FAF1: variants seen among roughly 807,000 people sequenced by gnomAD.
FAF1 encodes Fas associated factor 1, also known as FAS-associated factor 1.
Under a neutral mutation model 92.5 loss-of-function variants are expected in FAF1, and 25 were observed. The ratio of observed to expected loss-of-function variants is 0.27; its 90% CI spans 0.20 to 0.38. The LOEUF is 0.38. Among genes scored for constraint, FAF1 ranks in the 10% least tolerant of loss-of-function variants. The pLI is 1.00. For synonymous variants in FAF1, 234 were observed against 273.2 expected (o/e 0.86, Z 1.42); for missense variants, 636 against 793.3 (o/e 0.80, Z 2.38).
At chr1:50,714,158 T>G (rs1658073525) in intron 6 of FAF1, among the ~76,000 whole-genome samples, 1 of 152,054 alleles carries the variant, frequency 6.6e-6, no homozygotes, top group Non-Finnish European at 1.5e-5. Flanking sequence ...CTCTCTTCAC[T>G]GGTATAAATA....
intron 1 of FAF1, among the ~76,000 whole-genome samples, chr1:50,909,341 C>T (rs530616225): frequency 1.3e-5 from 2 of 152,282 alleles, no homozygotes; most frequent in African/African-American, 2.4e-5. Flanking sequence ...GTGAATCTGA[C>T]AATTATGTGT....
intron 2 of FAF1, among the ~76,000 whole-genome samples, chr1:50,811,275 G>A (rs1258307323): frequency 1.3e-5 from 2 of 152,166 alleles, no homozygotes; most frequent in East Asian, 3.8e-4. Context: ...GGAGGCAGAG[G>A]TTGCAGTGAG....
At chr1:50,941,233 G>C (rs1645130121) in intron 1 of FAF1, among the ~76,000 whole-genome samples, 1 of 151,894 alleles carries the variant, frequency 6.6e-6, no homozygotes, top group South Asian at 2.1e-4. Flanking sequence ...GGAGACAAGG[G>C]CTCACTCACT....
intron 7 of FAF1, among the ~76,000 whole-genome samples, chr1:50,681,270 G>C (rs4926867): frequency 0.99 from 150,966 of 152,242 alleles, 74,865 homozygotes; most frequent in East Asian, 1. Flanking sequence ...TGGTCTTGAA[G>C]TCCTGACCTC....
rs1266691892 is a variant in FAF1 at position 50,863,260 on chromosome 1, T to G, written c.46-5263A>C. 1.6e-4 allele frequency among the ~76,000 whole-genome samples: 24 copies of G among 152,126 alleles called. 1 individual carries two copies. The stretch of plus-strand genomic sequence containing the variant: ...GGAAATTAAATAATCCGCTCCTGAA[T>G]GATCTTTGGGTCAACAATGAAATCA... On this transcript the variant is annotated intron_variant, in intron 1 of 18. Transcript: ENST00000396153.
chr1:50,550,161 C>T (rs1649238851), intron 13 of FAF1, among the ~76,000 whole-genome samples: 1 of 151,912 alleles, frequency 6.6e-6, no homozygotes, highest in Admixed American at 6.6e-5. Flanking sequence ...CCCATCCTGG[C>T]TAACATGGTG....
chr1:50,479,391 C>G (rs1646674740), intron 17 of FAF1, among the ~76,000 whole-genome samples: 1 of 152,224 alleles, frequency 6.6e-6, no homozygotes, highest in Non-Finnish European at 1.5e-5. Flanking sequence ...AATCGGCCAT[C>G]TTGGCGCTGT....
chr1:50,785,298 A>C (rs1305215460), intron 4 of FAF1, among the ~76,000 whole-genome samples: 1 of 152,124 alleles, frequency 6.6e-6, no homozygotes, highest in East Asian at 1.9e-4. Flanking sequence ...TTATCAAATT[A>C]AAAAGCTTCT....
chr1:50,710,104 C>T (rs117958180), intron 6 of FAF1, among the ~76,000 whole-genome samples: 3 of 152,174 alleles, frequency 2.0e-5, no homozygotes, highest in African/African-American at 2.4e-5. Context: ...CTGAGGAGCT[C>T]GGAGTTCCAG....
chr1:50,496,505 C>A (rs541107325), intron 15 of FAF1, among the ~76,000 whole-genome samples: 4 of 152,178 alleles, frequency 2.6e-5, no homozygotes, highest in African/African-American at 9.7e-5. Flanking sequence ...TAATTCAGAA[C>A]CTGACAAGGT....
chr1:50,814,510 C>T, intron 2 of FAF1, among the ~76,000 whole-genome samples: 1 of 152,256 alleles, frequency 6.6e-6, no homozygotes, highest in East Asian at 1.9e-4. Flanking sequence ...ATCTACATGG[C>T]TGTATCTCAA....
At chr1:50,745,002 G>A (rs945328751) in intron 4 of FAF1, among the ~76,000 whole-genome samples, 1 of 152,056 alleles carries the variant, frequency 6.6e-6, no homozygotes, top group Admixed American at 6.6e-5. Context: ...AAAAAATAAA[G>A]CTAGGCTGGG....
intron 1 of FAF1, among the ~76,000 whole-genome samples, chr1:50,874,758 C>CTTTTTTTTTTTTTTTTTTTTT (rs755424291): frequency 5.9e-5 from 4 of 67,228 alleles, no homozygotes; most frequent in Non-Finnish European, 8.2e-5. Flanking sequence ...TCTTTTCTTT[C>CTTTTTTTTTTTTTTTTTTTTT]TTTTTTTTTT....
At chr1:50,442,469 G>A (rs1054216189) in intron 18 of FAF1, among the ~76,000 whole-genome samples, 1 of 152,226 alleles carries the variant, frequency 6.6e-6, no homozygotes, top group African/African-American at 2.4e-5. Flanking sequence ...TTAGCAAAGT[G>A]TCTTGCCCAG....
chr1:50,577,685 C>T (rs1650816267), intron 12 of FAF1, among the ~76,000 whole-genome samples: 1 of 152,090 alleles, frequency 6.6e-6, no homozygotes, highest in Admixed American at 6.5e-5. Flanking sequence ...AGCAGGAAAC[C>T]TCTATTTCCC....
intron 18 of FAF1, among the ~76,000 whole-genome samples, chr1:50,455,208 G>A (rs908921450): frequency 6.6e-6 from 1 of 152,186 alleles, no homozygotes; most frequent in East Asian, 1.9e-4. Context: ...CCCTTTCAGA[G>A]GGGACAGAAT....
In FAF1 at chr1:50,467,783, G is replaced by A. The variant is rs530827347; in HGVS notation, c.1869+7681C>T. On this transcript the variant is annotated intron_variant, in intron 18 of 18. Coordinates refer to ENST00000396153, the MANE Select transcript of FAF1 (RefSeq NM_007051.3). Reference sequence around the variant, plus strand: ...CTGGGCAAGTTACCTAACCTCTTTTGTGCCTCAGTTTCCCTATTCCAAAGC... The same window carrying A: ...CTGGGCAAGTTACCTAACCTCTTTTATGCCTCAGTTTCCCTATTCCAAAGC... Among the ~76,000 whole-genome samples, 209 of 152,206 alleles carry A rather than the reference G, an allele frequency of 1.4e-3. 3 individuals carry two copies. The highest frequency in any genetic ancestry group is 5.0e-3 in the African/African-American group (208 of 41,518).
At chr1:50,736,936 C>T (rs1424869334) in intron 6 of FAF1, among the ~76,000 whole-genome samples, 1 of 152,008 alleles carries the variant, frequency 6.6e-6, no homozygotes, top group Non-Finnish European at 1.5e-5. Context: ...TTTTAAAAAT[C>T]TCTAGTTTTA....
chr1:50,738,112 A>T (rs1659213684), intron 6 of FAF1, among the ~76,000 whole-genome samples: 1 of 152,190 alleles, frequency 6.6e-6, no homozygotes, highest in Non-Finnish European at 1.5e-5. Context: ...AACTGAAAAA[A>T]CAATGAGACC....
Sources: gnomAD v4.1 joint callset for allele counts (sites outside exome capture counted in the v4.1 genomes callset) on GRCh38, gnomAD v4.1.1 for gene constraint, MANE v1.5 for transcripts, NCBI Gene and HGNC (gene_info 2026-07-23, HGNC 2026-07-21) for gene names.